The following RNF185 variants were observed in gnomAD, a reference collection of about 807,000 sequenced individuals.
RNF185 encodes the protein ring finger protein 185.
Under a neutral mutation model 24.9 loss-of-function variants are expected in RNF185, and 13 were observed. That is an observed-to-expected ratio of 0.52 (90% CI 0.34 to 0.83). The LOEUF (loss-of-function observed/expected upper bound fraction) is 0.83, where lower values mean the gene tolerates loss of function less well. Ranked by LOEUF, RNF185 falls within the 40% of genes least tolerant of loss-of-function variation. RNF185 has a pLI of 0.01. For missense variants in RNF185, 184 were observed against 244.7 expected (o/e 0.75, Z 1.65); for synonymous variants, 79 against 90.3 (o/e 0.88, Z 0.71).
intron 1 of RNF185, among the ~76,000 whole-genome samples, chr22:31,184,807 C>A (rs1228234929): frequency 1.3e-5 from 2 of 151,970 alleles, no homozygotes; most frequent in Middle Eastern, 3.4e-3. Flanking sequence ...CCCAGGCACT[C>A]GGCAGGCTGA....
intron 1 of RNF185, among the ~76,000 whole-genome samples, chr22:31,176,992 A>G (rs1375045986): frequency 6.6e-6 from 1 of 152,194 alleles, no homozygotes; most frequent in Non-Finnish European, 1.5e-5. Flanking sequence ...GATCTGGGTT[A>G]GGTACCCTAT....
At chr22:31,191,972 C>A (rs903433712) in intron 2 of RNF185, among the ~76,000 whole-genome samples, 6 of 149,812 alleles carry the variant, frequency 4.0e-5, no homozygotes, top group Non-Finnish European at 8.9e-5. Context: ...TGATGCAGTT[C>A]ATTTTATGTT....
At chr22:31,180,469 A>G (rs1755940605) in intron 1 of RNF185, among the ~76,000 whole-genome samples, 1 of 152,146 alleles carries the variant, frequency 6.6e-6, no homozygotes, top group Admixed American at 6.5e-5. Flanking sequence ...GTCTCAAAAA[A>G]AAAGAAGAAA....
At chr22:31,190,483 T>A (rs1568969471) in intron 2 of RNF185, among the ~76,000 whole-genome samples, 3 of 151,716 alleles carry the variant, frequency 2.0e-5, no homozygotes, top group Admixed American at 2.0e-4. Context: ...GACGGGGTTT[T>A]ACCATGTTGG....
chr22:31,161,840 C>G (rs1009106350), intron 1 of RNF185, among the ~76,000 whole-genome samples: 12 of 148,762 alleles, frequency 8.1e-5, no homozygotes, highest in African/African-American at 3.0e-4. Context: ...CTCTTATAGA[C>G]TTGACTTGCC....
At chr22:31,187,980 G>A (rs2048116725) in intron 2 of RNF185, among the ~76,000 whole-genome samples, 1 of 151,614 alleles carries the variant, frequency 6.6e-6, no homozygotes, top group Non-Finnish European at 1.5e-5. Flanking sequence ...TTGAAAGGTC[G>A]ATCAAAAAAT....
At chr22:31,170,551 C>T (rs527377239) in intron 1 of RNF185, among the ~76,000 whole-genome samples, 7 of 151,846 alleles carry the variant, frequency 4.6e-5, no homozygotes, top group African/African-American at 1.4e-4. Flanking sequence ...CACTCTGTCA[C>T]CCAGGGTGGA....
chr22:31,198,227 TGCC>T (rs1432374545), intron 5 of RNF185, among the ~76,000 whole-genome samples: 1 of 152,150 alleles, frequency 6.6e-6, no homozygotes, highest in Admixed American at 6.5e-5. Flanking sequence ...TTATTTAGGC[TGCC>T]ATTTATCCTA....
intron 1 of RNF185, among the ~76,000 whole-genome samples, chr22:31,183,464 T>G (rs1317157000): frequency 6.6e-6 from 1 of 151,938 alleles, no homozygotes; most frequent in Non-Finnish European, 1.5e-5. Context: ...AGGACAATAG[T>G]GGAGGGAAGG....
chr22:31,189,757 A>ACCT (rs2048138570), intron 2 of RNF185, among the ~76,000 whole-genome samples: 1 of 43,148 alleles, frequency 2.3e-5, no homozygotes, highest in African/African-American at 1.5e-4. Context: ...AGGTGCACCC[A>ACCT]GCTAATTTTT....
chr22:31,175,792 ATAAAAT>A (rs886834242), intron 1 of RNF185, among the ~76,000 whole-genome samples: 87 of 152,334 alleles, frequency 5.7e-4, no homozygotes, highest in African/African-American at 2.0e-3. Context: ...AAATAAATTC[ATAAAAT>A]TAAAATTGTT....
chr22:31,166,471 G>A (rs1007820396), intron 1 of RNF185, among the ~76,000 whole-genome samples: 1 of 152,002 alleles, frequency 6.6e-6, no homozygotes, highest in Non-Finnish European at 1.5e-5. Flanking sequence ...TCCATATCTT[G>A]CTTTTTCTTA....
chr22:31,198,467 C>T (rs894727112), intron 5 of RNF185, among the ~76,000 whole-genome samples: 72 of 141,840 alleles, frequency 5.1e-4, no homozygotes, highest in Admixed American at 4.0e-3. Flanking sequence ...AGTGCGATCT[C>T]GGCTCACCAC....
intron 2 of RNF185, among the ~76,000 whole-genome samples, chr22:31,190,964 C>T (rs954790262): frequency 2.0e-5 from 3 of 152,198 alleles, no homozygotes; most frequent in East Asian, 1.9e-4. Context: ...ACCTATGATA[C>T]TCACATGCTA....
At chr22:31,186,995 C>G (rs1230165929) in intron 1 of RNF185, 52 bp from the exon 2 acceptor site, 1 of 1,256,340 alleles carries the variant, frequency 8.0e-7, no homozygotes, top group Non-Finnish European at 1.1e-6. Context: ...GGCATGGAAG[C>G]TGGGGGGAGA....
chr22:31,180,913 CTCTGTGTGTGTG>C (rs1284382931), intron 1 of RNF185, among the ~76,000 whole-genome samples: 118 of 60,880 alleles, frequency 1.9e-3, no homozygotes, highest in South Asian at 8.4e-3. Context: ...TTCTCTCTCT[CTCTGTGTGTGTG>C]TGTGTGTGTG....
intron 5 of RNF185, among the ~76,000 whole-genome samples, chr22:31,199,254 C>A (rs896677196): frequency 6.6e-6 from 1 of 152,136 alleles, no homozygotes; most frequent in African/African-American, 2.4e-5. Flanking sequence ...AGCCTCACAT[C>A]AACTCATTTA....
At chr22:31,174,222 A>G (rs558401620) in intron 1 of RNF185, among the ~76,000 whole-genome samples, 2 of 152,198 alleles carry the variant, frequency 1.3e-5, no homozygotes, top group Non-Finnish European at 2.9e-5. Flanking sequence ...TAAGTTGCAG[A>G]GCTGAGATTT....
chr22:31,196,884 A>G lies in RNF185; in HGVS notation c.309-52A>G, dbSNP rs770979460. On this transcript the variant is annotated intron_variant, in intron 4 of 6. Coordinates refer to ENST00000326132, the MANE Select transcript of RNF185 (RefSeq NM_152267.4). ...TAAAGAGCTCCAGGTCCTCACAGGG[A>G]GCAACTCAAAGCAATTTGTAATAGA... 554 of 1,603,832 alleles carry G rather than the reference A, an allele frequency of 3.5e-4. 1 individual carries two copies. Among genetic ancestry groups the G allele is most frequent in the Non-Finnish European group, 4.6e-4 (539 of 1,175,836 alleles).
Sources: allele counts gnomAD v4.1 joint callset (sites outside exome capture counted in the v4.1 genomes callset), GRCh38; gene constraint gnomAD v4.1.1; transcripts MANE v1.5; gene names NCBI Gene and HGNC (gene_info 2026-07-23, HGNC 2026-07-21).